The following FOXO1 variants were observed in gnomAD, a reference collection of about 807,000 sequenced individuals.
FOXO1 encodes forkhead box protein O1.
In FOXO1, 6 loss-of-function variants were observed where a neutral mutation model predicts 44.1. That is an observed-to-expected ratio of 0.14 (90% CI 0.07 to 0.27). FOXO1 has a LOEUF of 0.27. Ranked by LOEUF, FOXO1 falls within the 10% of genes least tolerant of loss-of-function variation. The pLI is 1.00. For missense variants in FOXO1, 737 were observed against 888.8 expected (o/e 0.83, Z 2.17); for synonymous variants, 380 against 362.7 (o/e 1.05, Z -0.54).
intron 1 of FOXO1, among the ~76,000 whole-genome samples, chr13:40,591,101 T>C (rs768669022): frequency 1.3e-5 from 2 of 152,154 alleles, no homozygotes; most frequent in African/African-American, 2.4e-5. Flanking sequence ...GAGGGAGGAC[T>C]GCTTCAGAGT....
At chr13:40,562,351 C>T (rs974895013) in intron 1 of FOXO1, among the ~76,000 whole-genome samples, 1 of 152,182 alleles carries the variant, frequency 6.6e-6, no homozygotes, top group African/African-American at 2.4e-5. Context: ...CCTAGGCCAA[C>T]TAGGGAAGAA....
At chr13:40,559,407 A>G in intron 2 of FOXO1, 102 bp downstream of exon 2, 1 of 1,034,766 alleles carries the variant, frequency 9.7e-7, no homozygotes. Flanking sequence ...TGCAAGGGAC[A>G]GTCAGTTGAC....
intron 1 of FOXO1, among the ~76,000 whole-genome samples, chr13:40,575,659 C>T (rs773808757): frequency 6.6e-6 from 1 of 152,134 alleles, no homozygotes; most frequent in African/African-American, 2.4e-5. Flanking sequence ...CAAATCAATA[C>T]CGATCAATGT....
At chr13:40,629,300 G>A (rs1357368842) in intron 1 of FOXO1, among the ~76,000 whole-genome samples, 5 of 152,206 alleles carry the variant, frequency 3.3e-5, no homozygotes, top group East Asian at 1.9e-4. Flanking sequence ...GCGCCACCAC[G>A]CCCAGCTAAT....
At chr13:40,584,163 A>T (rs1875061441) in intron 1 of FOXO1, among the ~76,000 whole-genome samples, 1 of 151,920 alleles carries the variant, frequency 6.6e-6, no homozygotes, top group African/African-American at 2.4e-5. Flanking sequence ...GGGTATTAGA[A>T]TTTTTTTTAA....
At chr13:40,588,500 G>A (rs1446999991) in intron 1 of FOXO1, among the ~76,000 whole-genome samples, 1 of 152,102 alleles carries the variant, frequency 6.6e-6, no homozygotes, top group Admixed American at 6.6e-5. Context: ...CAAAGTCCAG[G>A]AACAAATTAT....
intron 1 of FOXO1, among the ~76,000 whole-genome samples, chr13:40,598,759 CA>C (rs2137876128): frequency 6.6e-6 from 1 of 152,320 alleles, no homozygotes; most frequent in Admixed American, 6.5e-5. Context: ...GAGCTGGTTA[CA>C]AATGCAGGAC....
At chr13:40,592,644 T>G (rs1164371221) in intron 1 of FOXO1, among the ~76,000 whole-genome samples, 2 of 152,198 alleles carry the variant, frequency 1.3e-5, no homozygotes, top group Non-Finnish European at 2.9e-5. Flanking sequence ...GATCTAAATA[T>G]TTTGTCTCAC....
intron 1 of FOXO1, among the ~76,000 whole-genome samples, chr13:40,596,148 A>T (rs1054406931): frequency 1.3e-5 from 2 of 152,150 alleles, no homozygotes; most frequent in Non-Finnish European, 1.5e-5. Context: ...TCTTCTTATT[A>T]AATGGCCAAA....
At chr13:40,636,449 TGCTTGA>T (rs1361935893) in intron 1 of FOXO1, among the ~76,000 whole-genome samples, 1 of 151,928 alleles carries the variant, frequency 6.6e-6, no homozygotes, top group East Asian at 1.9e-4. Flanking sequence ...ATGAGAGGAC[TGCTTGA>T]GGCCAGGAGT....
At chr13:40,607,596 C>T (rs1876058197) in intron 1 of FOXO1, among the ~76,000 whole-genome samples, 1 of 152,196 alleles carries the variant, frequency 6.6e-6, no homozygotes. Flanking sequence ...TAACCCCAAA[C>T]ACAGCATTCG....
chr13:40,563,483 A>G (rs1023811826), intron 1 of FOXO1, among the ~76,000 whole-genome samples: 3 of 152,242 alleles, frequency 2.0e-5, no homozygotes, highest in Admixed American at 2.0e-4. Flanking sequence ...CTCCTGCCAG[A>G]GCATACAGTG....
chr13:40,609,185 C>A (rs900005777), intron 1 of FOXO1, among the ~76,000 whole-genome samples: 7 of 151,998 alleles, frequency 4.6e-5, no homozygotes, highest in African/African-American at 1.5e-4. Flanking sequence ...CTCAGTAGAC[C>A]TGAAATAAAA....
chr13:40,598,565 C>A (rs962151411), intron 1 of FOXO1, among the ~76,000 whole-genome samples: 1 of 152,108 alleles, frequency 6.6e-6, no homozygotes, highest in African/African-American at 2.4e-5. Flanking sequence ...TGAATAGATT[C>A]TTTCAGGAAT....
rs1194865584 is a variant in FOXO1, at chr13:40,557,366, A to G, written c.*1683T>C. The G allele has an allele frequency of 6.6e-6, 1 of 152,242 alleles. No homozygotes were observed. Among genetic ancestry groups the G allele is most frequent in the African/African-American group, 2.4e-5 (1 of 41,468 alleles). The allele number at this position is 152,242 out of a possible 1,614,324, so 9.4% of individuals were successfully genotyped here. A position where few individuals can be genotyped will look rare whatever the true frequency, so the allele number is the denominator to read the frequency against. ...GGTAATTGGAAAGTAATAAAACATA[A>G]TGATAGGAATTACAGTTTAGGTTGC... On this transcript the variant is annotated 3_prime_UTR_variant, in exon 3 of 3. Transcript: ENST00000379561.
intron 1 of FOXO1, chr13:40,618,829 C>T: frequency 1.9e-6 from 1 of 526,522 alleles, no homozygotes; most frequent in Non-Finnish European, 3.8e-6. Flanking sequence ...AAGATGGCAG[C>T]AAGAGCATCT....
At chr13:40,580,162 C>T (rs922285631) in intron 1 of FOXO1, among the ~76,000 whole-genome samples, 1 of 152,064 alleles carries the variant, frequency 6.6e-6, no homozygotes, top group Non-Finnish European at 1.5e-5. Flanking sequence ...AACAAAAACC[C>T]AGGCATTTTC....
chr13:40,622,879 C>A (rs1876661905), intron 1 of FOXO1, among the ~76,000 whole-genome samples: 1 of 152,162 alleles, frequency 6.6e-6, no homozygotes, highest in East Asian at 1.9e-4. Context: ...GAGTGTCCTG[C>A]TCTGTAAGTA....
At position 40,560,178 on chromosome 13, in the gene FOXO1, G is replaced by A; in HGVS notation, c.1313C>T (p.Pro438Leu). 2 of 1,614,134 alleles carry A rather than the reference G, an allele frequency of 1.2e-6. No homozygotes were observed. Among genetic ancestry groups the A allele is most frequent in the Non-Finnish European group, 1.7e-6 (2 of 1,180,024 alleles). ...CTTATTGTCCTGAAGTGTTTGTATA[G>A]GCATCTGGGGCAAAGGGCTCATGCT... ...QSSMSPLPQM[P>L]IQTLQDNKSS... Residue 438 changes from proline (P) to leucine (L), a missense_variant, in exon 2 of 3, where the codon CCT becomes CTT. By Grantham distance (98) the Pro-to-Leu change is moderately conservative (BLOSUM62 -3). Transcript: ENST00000379561. The surrounding 1 kb of genome is among the most constrained non-coding windows in gnomAD (Gnocchi z 5.1).
Sources: allele counts gnomAD v4.1 joint callset (sites outside exome capture counted in the v4.1 genomes callset), GRCh38; gene constraint gnomAD v4.1.1; non-coding constraint Gnocchi (gnomAD v3.1); transcripts MANE v1.5; gene names NCBI Gene and HGNC (gene_info 2026-07-23, HGNC 2026-07-21).